EPM2A: variants seen among roughly 807,000 people sequenced by gnomAD.
EPM2A encodes EPM2A glucan phosphatase, laforin, also known as laforin.
EPM2A carries 21 observed loss-of-function variants against 26.5 expected under a neutral mutation model. The ratio of observed to expected loss-of-function variants is 0.79; its 90% CI spans 0.56 to 1.14. EPM2A has a LOEUF of 1.14. Among genes scored for constraint, EPM2A ranks in the 50% most tolerant of loss-of-function variants. The probability of loss-of-function intolerance (pLI) is 0.00; values close to 1 mark genes in which losing one functional copy is unlikely to be tolerated. For missense variants in EPM2A, 458 were observed against 440.8 expected (o/e 1.04, Z -0.35); for synonymous variants, 217 against 177.6 (o/e 1.22, Z -1.76).
chr6:145,475,449 A>T (rs1779530360), intron 4 of EPM2A, among the ~76,000 whole-genome samples: 1 of 152,056 alleles, frequency 6.6e-6, no homozygotes, highest in Non-Finnish European at 1.5e-5. Flanking sequence ...AACATCACAC[A>T]CTGGGGCCTG....
intron 4 of EPM2A, among the ~76,000 whole-genome samples, chr6:145,464,310 C>T (rs1201759644): frequency 6.6e-6 from 1 of 152,114 alleles, no homozygotes; most frequent in African/African-American, 2.4e-5. Context: ...CCCAGCCATG[C>T]AGAGCTGTAA....
At chr6:145,399,501 G>A (rs1440058329) in intron 4 of EPM2A, among the ~76,000 whole-genome samples, 1 of 152,196 alleles carries the variant, frequency 6.6e-6, no homozygotes, top group African/African-American at 2.4e-5. Context: ...CAGAAACTCT[G>A]TGTGTAGTAG....
chr6:145,430,977 A>G (rs975591867), intron 4 of EPM2A, among the ~76,000 whole-genome samples: 2 of 152,136 alleles, frequency 1.3e-5, no homozygotes, highest in Admixed American at 1.3e-4. Flanking sequence ...CTCTTCTCCA[A>G]TCTTCTTAAC....
intron 2 of EPM2A, among the ~76,000 whole-genome samples, chr6:145,540,453 C>T (rs1245823750): frequency 6.6e-6 from 1 of 152,162 alleles, no homozygotes; most frequent in Non-Finnish European, 1.5e-5. Flanking sequence ...CACCTCCCTT[C>T]CCCTGTTACT....
intron 2 of EPM2A, among the ~76,000 whole-genome samples, chr6:145,669,356 T>C (rs6570709): frequency 0.067 from 10,167 of 152,276 alleles, 1,143 homozygotes; most frequent in African/African-American, 0.23. Context: ...TAACTGAACC[T>C]TCTTCCAAGG....
chr6:145,416,300 G>A (rs372590248), intron 4 of EPM2A, among the ~76,000 whole-genome samples: 1 of 147,684 alleles, frequency 6.8e-6, no homozygotes, highest in African/African-American at 2.5e-5. Flanking sequence ...ATTTTCTAAC[G>A]TTTGTGATTA....
At chr6:145,723,552 T>C (rs1776050504) in intron 1 of EPM2A, among the ~76,000 whole-genome samples, 1 of 152,096 alleles carries the variant, frequency 6.6e-6, no homozygotes, top group Non-Finnish European at 1.5e-5. Flanking sequence ...GCCTGCAAAA[T>C]TTTTTAAAAT....
downstream of EPM2A, among the ~76,000 whole-genome samples, chr6:145,621,042 G>A (rs945789688): frequency 6.6e-6 from 1 of 152,062 alleles, no homozygotes; most frequent in Non-Finnish European, 1.5e-5. Context: ...TAGGTCTCCA[G>A]GACTTATTCA....
intron 4 of EPM2A, among the ~76,000 whole-genome samples, chr6:145,476,013 T>G (rs940985982): frequency 6.6e-6 from 1 of 151,932 alleles, no homozygotes; most frequent in African/African-American, 2.4e-5. Context: ...ACAAGAGCCA[T>G]TGATACAAGA....
intron 1 of EPM2A, among the ~76,000 whole-genome samples, chr6:145,691,988 T>C (rs1781308917): frequency 1.3e-5 from 2 of 152,048 alleles, no homozygotes; most frequent in African/African-American, 4.8e-5. Context: ...TAGAAGCAAT[T>C]CACTTCAAAT....
chr6:145,386,151 C>T (rs965468931), intron 4 of EPM2A, among the ~76,000 whole-genome samples: 6 of 151,956 alleles, frequency 3.9e-5, no homozygotes, highest in Middle Eastern at 3.2e-3. Context: ...AAACTATATT[C>T]AGATACTACT....
intron 2 of EPM2A, among the ~76,000 whole-genome samples, chr6:145,532,602 G>A (rs369910305): frequency 7.1e-4 from 108 of 152,256 alleles, no homozygotes; most frequent in African/African-American, 2.4e-3. Flanking sequence ...AGTCAGGGCC[G>A]TGGCTGCAAC....
downstream of EPM2A, among the ~76,000 whole-genome samples, chr6:145,620,996 A>G (rs1775621703): frequency 1.3e-5 from 2 of 152,296 alleles, no homozygotes; most frequent in South Asian, 4.1e-4. Flanking sequence ...CAAGTATACA[A>G]TACATTATTA....
chr6:145,433,904 C>CT (rs961694398), intron 4 of EPM2A, among the ~76,000 whole-genome samples: 2 of 152,064 alleles, frequency 1.3e-5, no homozygotes, highest in African/African-American at 4.8e-5. Flanking sequence ...GTAGTTCCAG[C>CT]TGGGATCATG....
At chr6:145,722,444 A>G (rs964064442) in intron 1 of EPM2A, among the ~76,000 whole-genome samples, 3 of 152,170 alleles carry the variant, frequency 2.0e-5, no homozygotes, top group African/African-American at 4.8e-5. Flanking sequence ...CGCACAGCCA[A>G]CACAAACACA....
At chr6:145,644,226 A>G (rs1443391383) in intron 2 of EPM2A, among the ~76,000 whole-genome samples, 1 of 152,220 alleles carries the variant, frequency 6.6e-6, no homozygotes, top group Non-Finnish European at 1.5e-5. Context: ...GCTAATATTA[A>G]CCAGGCTCAT....
intron 4 of EPM2A, among the ~76,000 whole-genome samples, chr6:145,433,747 T>C (rs1219123724): frequency 6.6e-6 from 1 of 152,180 alleles, no homozygotes; most frequent in African/African-American, 2.4e-5. Context: ...AACAATATTA[T>C]TTGAAAACCT....
intron 1 of EPM2A, among the ~76,000 whole-genome samples, chr6:145,712,323 A>C (rs928609223): frequency 1.3e-5 from 2 of 152,178 alleles, no homozygotes; most frequent in Non-Finnish European, 2.9e-5. Flanking sequence ...TAGCTGAAAA[A>C]TTAAAGTTGA....
chr6:145,512,187 C>T (rs182676406), intron 2 of EPM2A, among the ~76,000 whole-genome samples: 39 of 152,156 alleles, frequency 2.6e-4, no homozygotes, highest in Non-Finnish European at 7.4e-5. Context: ...GACCATATTG[C>T]CCAAAGTAAT....
Sources: gnomAD v4.1 joint callset for allele counts (sites outside exome capture counted in the v4.1 genomes callset) on GRCh38, gnomAD v4.1.1 for gene constraint, MANE v1.5 for transcripts, NCBI Gene and HGNC (gene_info 2026-07-23, HGNC 2026-07-21) for gene names.